COL19A1: variants seen among roughly 807,000 people sequenced by gnomAD.
COL19A1 encodes collagen type XIX alpha 1 chain, also known as collagen alpha-1(XIX) chain.
A neutral mutation model predicts 190.2 loss-of-function variants in COL19A1; 159 were observed. The ratio of observed to expected loss-of-function variants is 0.84; its 90% CI spans 0.73 to 0.95. The LOEUF is 0.95. COL19A1 is among the 40% of genes least tolerant of loss of function. The probability of loss-of-function intolerance (pLI) is 0.00; values close to 1 mark genes in which losing one functional copy is unlikely to be tolerated. For missense variants in COL19A1, 1,418 were observed against 1,431.9 expected (o/e 0.99, Z 0.16); for synonymous variants, 509 against 458.9 (o/e 1.11, Z -1.39).
At chr6:69,872,163 G>T (rs1767882095) in intron 1 of COL19A1, among the ~76,000 whole-genome samples, 1 of 151,906 alleles carries the variant, frequency 6.6e-6, no homozygotes, top group South Asian at 2.1e-4. Context: ...TTTGTTTTTT[G>T]TTTTTCATTT....
chr6:70,180,300 T>A lies in COL19A1; in HGVS notation c.2668-12T>A. On this transcript the variant is annotated splice_polypyrimidine_tract_variant and intron_variant, in intron 42 of 50. Coordinates refer to ENST00000620364, the MANE Select transcript of COL19A1 (RefSeq NM_001858.6). Reference sequence around the variant, plus strand: ...TTGGCTCCTAACATTTCTCTTCAATTTGCCTTGCCAGGGAAAACCTGGTGC... The same window carrying A: ...TTGGCTCCTAACATTTCTCTTCAATATGCCTTGCCAGGGAAAACCTGGTGC... 1.2e-6 allele frequency: 2 copies of A among 1,614,084 alleles called. No homozygotes were observed. Among genetic ancestry groups the A allele is most frequent in the Non-Finnish European group, 1.7e-6 (2 of 1,179,974 alleles).
intron 16 of COL19A1, among the ~76,000 whole-genome samples, chr6:70,120,477 G>A (rs1330992617): frequency 6.6e-6 from 1 of 152,096 alleles, no homozygotes; most frequent in Non-Finnish European, 1.5e-5. Context: ...TAGATACTTT[G>A]TGTAACAACC....
chr6:70,113,009 T>A (rs1041491960), intron 16 of COL19A1, among the ~76,000 whole-genome samples: 14 of 152,204 alleles, frequency 9.2e-5, no homozygotes, highest in Admixed American at 6.5e-5. Flanking sequence ...CAGAGCTGCC[T>A]TTGCTGCAAT....
rs564628184 is a variant in COL19A1, at chr6:70,029,753, A to G, written c.1081-4492A>G. 2.0e-5 allele frequency among the ~76,000 whole-genome samples: 3 copies of G among 152,336 alleles called. No individual in the cohort carries two copies. In the East Asian group the frequency reaches 5.8e-4, roughly 29 times the overall value. ...ATAAAAGTAGAAGCTTGACAAATGC[A>G]GTACTTCTCAATTGCATTTTATCCT... On this transcript the variant is annotated intron_variant, in intron 12 of 50. Transcript: ENST00000620364.
At chr6:70,087,381 G>A (rs1180781349) in intron 15 of COL19A1, among the ~76,000 whole-genome samples, 1 of 152,114 alleles carries the variant, frequency 6.6e-6, no homozygotes, top group African/African-American at 2.4e-5. Context: ...ATAGATGAGG[G>A]CCATGTGAAA....
At chr6:70,090,851 C>T (rs1039425241) in intron 15 of COL19A1, among the ~76,000 whole-genome samples, 19 of 152,178 alleles carry the variant, frequency 1.2e-4, no homozygotes, top group African/African-American at 4.3e-4. Flanking sequence ...CACCCAACCA[C>T]ACACTTGCTC....
intron 14 of COL19A1, among the ~76,000 whole-genome samples, chr6:70,051,681 C>T (rs1352348259): frequency 2.0e-5 from 3 of 152,026 alleles, no homozygotes; most frequent in Non-Finnish European, 4.4e-5. Flanking sequence ...GTACCTCCCT[C>T]GTAAGACATG....
Position 70,198,007 on chromosome 6 carries a change from A to G in COL19A1, c.3095-1601A>G, listed in dbSNP as rs938466839. 1.8e-4 allele frequency among the ~76,000 whole-genome samples: 27 copies of G among 152,244 alleles called. 1 individual carries two copies. Among genetic ancestry groups the G allele is most frequent in the Admixed American group, 1.7e-3 (26 of 15,286 alleles). ...AAATGATTGTTTTAATTGAAAACTC[A>G]TGGGAAAACAGATTTTCCTCAGAAG... On this transcript the variant is annotated intron_variant, in intron 48 of 50. Coordinates refer to ENST00000620364, the MANE Select transcript of COL19A1 (RefSeq NM_001858.6).
chr6:69,963,894 T>C (rs1774941668), intron 11 of COL19A1, among the ~76,000 whole-genome samples: 1 of 152,218 alleles, frequency 6.6e-6, no homozygotes, highest in Non-Finnish European at 1.5e-5. Context: ...CTATTGAAAG[T>C]ACAGAGAATA....
intron 11 of COL19A1, among the ~76,000 whole-genome samples, chr6:70,018,218 G>T (rs1291408018): frequency 1.3e-5 from 2 of 151,986 alleles, no homozygotes; most frequent in African/African-American, 4.8e-5. Flanking sequence ...AGTAAAGAAT[G>T]GTTTTAAAAT....
intron 14 of COL19A1, among the ~76,000 whole-genome samples, chr6:70,040,569 G>A (rs956731962): frequency 6.6e-6 from 1 of 152,094 alleles, no homozygotes; most frequent in Non-Finnish European, 1.5e-5. Flanking sequence ...TATTATTTCA[G>A]GAAATGGGAC....
chr6:70,098,648 C>A (rs1424838421), intron 15 of COL19A1: 2 of 318,814 alleles, frequency 6.3e-6, no homozygotes, highest in East Asian at 8.1e-5. Context: ...CGTCTTACTG[C>A]AACACTTTTC....
intron 9 of COL19A1, among the ~76,000 whole-genome samples, chr6:69,939,805 C>G (rs1274418624): frequency 6.6e-6 from 1 of 152,000 alleles, no homozygotes; most frequent in African/African-American, 2.4e-5. Context: ...TTTGGCCAAG[C>G]CACTCAGACT....
chr6:70,032,157 C>G (rs1051259021), intron 12 of COL19A1, among the ~76,000 whole-genome samples: 2 of 152,110 alleles, frequency 1.3e-5, no homozygotes, highest in Admixed American at 6.6e-5. Context: ...TAAGAAGATT[C>G]TTGCTGAAGA....
intron 34 of COL19A1, among the ~76,000 whole-genome samples, chr6:70,159,483 G>A (rs1019821210): frequency 6.6e-6 from 1 of 151,838 alleles, no homozygotes; most frequent in Admixed American, 6.6e-5. Flanking sequence ...AGAAAAATAT[G>A]TCAACATTCT....
intron 2 of COL19A1, among the ~76,000 whole-genome samples, chr6:69,896,353 A>C (rs1309333356): frequency 1.3e-5 from 2 of 151,284 alleles, no homozygotes; most frequent in Non-Finnish European, 2.9e-5. Flanking sequence ...CTGGCTAACA[A>C]GGTGAAACCC....
intron 14 of COL19A1, among the ~76,000 whole-genome samples, chr6:70,039,449 C>T (rs9454949): frequency 7.2e-5 from 11 of 152,246 alleles, no homozygotes; most frequent in African/African-American, 2.6e-4. Flanking sequence ...GATAGATGAA[C>T]GTCCATCTCC....
intron 14 of COL19A1, among the ~76,000 whole-genome samples, chr6:70,047,563 T>A (rs1441042422): frequency 3.3e-5 from 5 of 152,162 alleles, no homozygotes; most frequent in Non-Finnish European, 7.4e-5. Flanking sequence ...ATATTAGTTG[T>A]AAATCATTAC....
intron 15 of COL19A1, among the ~76,000 whole-genome samples, chr6:70,091,385 G>T (rs1388621034): frequency 6.6e-6 from 1 of 152,134 alleles, no homozygotes; most frequent in Non-Finnish European, 1.5e-5. Flanking sequence ...TGGTATATAA[G>T]CTCTATTGAG....
Sources: gnomAD v4.1 joint callset for allele counts (sites outside exome capture counted in the v4.1 genomes callset) on GRCh38, gnomAD v4.1.1 for gene constraint, MANE v1.5 for transcripts, NCBI Gene and HGNC (gene_info 2026-07-23, HGNC 2026-07-21) for gene names.